UBA1: variants seen among roughly 807,000 people sequenced by gnomAD.
UBA1 encodes ubiquitin-like modifier-activating enzyme 1.
Under a neutral mutation model 84.7 loss-of-function variants are expected in UBA1, and 4 were observed. The ratio of observed to expected loss-of-function variants is 0.05; its 90% CI spans 0.02 to 0.11. The LOEUF is 0.11. Among genes scored for constraint, UBA1 ranks in the 10% least tolerant of loss-of-function variants. The pLI, the probability that UBA1 is intolerant of heterozygous loss-of-function variation, is 1.00. For synonymous variants in UBA1, 364 were observed against 362.6 expected (o/e 1.00, Z -0.04); for missense variants, 513 against 902.8 (o/e 0.57, Z 5.53).
intron 1 of UBA1, among the ~76,000 whole-genome samples, chrX:47,196,289 A>G (rs1556785499): frequency 9.1e-6 from 1 of 110,130 alleles, no homozygotes. Flanking sequence ...TCACGTTCCC[A>G]TGGACTTCTC....
At position 47,215,068 on chromosome X, in the gene UBA1, C is replaced by G. The variant is rs1556794872; in HGVS notation, c.*139C>G. On this transcript the variant is annotated 3_prime_UTR_variant, in exon 26 of 26. Transcript: ENST00000335972. ...TCATCATCCCCCTACCTGAACCCCT[C>G]TTGCCACTGCCTTCTACCTTGTTTG... 1 of 860,119 alleles carries G rather than the reference C, an allele frequency of 1.2e-6. No individual in the cohort carries two copies. Among genetic ancestry groups the G allele is most frequent in the African/African-American group, 2.0e-5 (1 of 50,458 alleles). 70.9% of individuals were successfully genotyped at this position (860,119 alleles called of 1,213,427 possible).
chrX:47,209,162 T>G, intron 16 of UBA1: 1 of 284,318 alleles, frequency 3.5e-6, no homozygotes, highest in East Asian at 6.6e-5. Flanking sequence ...ACTTCATTGA[T>G]TTTTCTTTTT....
chrX:47,202,908 C>T, intron 11 of UBA1, 35 bp from the exon 12 acceptor site: 1 of 1,203,584 alleles, frequency 8.3e-7, no homozygotes, highest in Non-Finnish European at 1.1e-6. Context: ...CCCTGTTAAC[C>T]ACTGACCACC....
chrX:47,204,270 G>A (rs1556789861), intron 14 of UBA1, among the ~76,000 whole-genome samples: 1 of 104,087 alleles, frequency 9.6e-6, no homozygotes, highest in Non-Finnish European at 1.9e-5. Flanking sequence ...TCAGCATATA[G>A]TCGTGCTTGT....
intron 1 of UBA1, chrX:47,198,025 C>T (rs1936266128): frequency 1.1e-6 from 1 of 892,122 alleles, no homozygotes; most frequent in Non-Finnish European, 1.4e-6. Flanking sequence ...AGGGACTCCG[C>T]ATGCAGATGA....
intron 14 of UBA1, 56 bp downstream of exon 14, chrX:47,203,752 T>C (rs1936517896): frequency 2.7e-6 from 3 of 1,109,432 alleles, no homozygotes; most frequent in South Asian, 4.1e-5. Flanking sequence ...TTTTTCTTTT[T>C]TTTTTTTTTT....
intron 1 of UBA1, among the ~76,000 whole-genome samples, chrX:47,194,862 C>G (rs1280022831): frequency 8.9e-6 from 1 of 112,359 alleles, no homozygotes; most frequent in Admixed American, 9.4e-5. Flanking sequence ...GCCTCAGCAT[C>G]TTCCCCATCA....
chrX:47,204,148 T>G (rs1441498628), intron 14 of UBA1, among the ~76,000 whole-genome samples: 1 of 93,589 alleles, frequency 1.1e-5, no homozygotes, highest in African/African-American at 3.9e-5. Flanking sequence ...TGTTTTTTTT[T>G]TTTTTTTTTT....
chrX:47,212,743 G>A, intron 21 of UBA1, 28 bp from the exon 22 acceptor site: 2 of 1,173,084 alleles, frequency 1.7e-6, no homozygotes, highest in Non-Finnish European at 1.2e-6. Flanking sequence ...TCTCCCCACT[G>A]CCTTCACACC....
chrX:47,199,017 C>G, intron 2 of UBA1, 31 bp from the exon 3 acceptor site: 2 of 1,211,083 alleles, frequency 1.7e-6, no homozygotes, highest in Non-Finnish European at 2.2e-6. Flanking sequence ...CTGTGTGTCT[C>G]CCTAAACTTG....
At chrX:47,205,812 C>T (rs1936647491) in intron 14 of UBA1, 136 bp from the exon 15 acceptor site, 1 of 735,589 alleles carries the variant, frequency 1.4e-6, no homozygotes, top group African/African-American at 2.1e-5. Flanking sequence ...CGTGATCATG[C>T]CACTGCATTC....
Position 47,215,115 on chromosome X carries a change from A to T in UBA1, c.*186A>T. 1 of 574,223 alleles carries T rather than the reference A, an allele frequency of 1.7e-6. No individual in the cohort carries two copies. The highest frequency in any genetic ancestry group is 2.8e-5 in the South Asian group (1 of 36,319). The allele number at this position is 574,223 out of a possible 1,213,427, so 47.3% of individuals were successfully genotyped here. A position where few individuals can be genotyped will look rare whatever the true frequency, so the allele number is the denominator to read the frequency against. ...TTTGAAACCTGAATCCTAATAAAGA[A>T]TTAATAACTCCCACATCGCCTGCCC... is the stretch of plus-strand genomic sequence containing the variant. On this transcript the variant is annotated 3_prime_UTR_variant, in exon 26 of 26. Transcript: ENST00000335972.
At chrX:47,214,145 G>A (rs1323251780) in intron 23 of UBA1, among the ~76,000 whole-genome samples, 182 bp from the exon 24 acceptor site, 9 of 110,303 alleles carry the variant, frequency 8.2e-5, no homozygotes, top group African/African-American at 2.3e-4. Context: ...AGGAGGGTAG[G>A]AGATGAGAAG....
At chrX:47,201,048 T>G in intron 6 of UBA1, 48 bp downstream of exon 6, 2 of 1,080,469 alleles carry the variant, frequency 1.9e-6, no homozygotes, top group African/African-American at 1.8e-5. Context: ...CCCCAACTCC[T>G]ACCAAGCCCA....
chrX:47,210,717 C>A, intron 18 of UBA1, 125 bp from the exon 19 acceptor site: 1 of 663,408 alleles, frequency 1.5e-6, no homozygotes, highest in Non-Finnish European at 2.4e-6. Context: ...TGGCTCCAGT[C>A]CGCATCGAGT....
chrX:47,201,099 G>T (rs782250949), intron 6 of UBA1, 99 bp downstream of exon 6: 2 of 881,320 alleles, frequency 2.3e-6, no homozygotes, highest in African/African-American at 4.0e-5. Flanking sequence ...TCCCTTCTCA[G>T]CTACCCAGGT....
At chrX:47,208,291 GTA>G (rs1491046471) in intron 16 of UBA1, among the ~76,000 whole-genome samples, 1 of 108,818 alleles carries the variant, frequency 9.2e-6, no homozygotes, top group African/African-American at 3.4e-5. Context: ...GTGTGTGTGT[GTA>G]AGTGTCTGTG....
chrX:47,208,465 C>CT (rs1556792132), intron 16 of UBA1: 1 of 112,225 alleles, frequency 8.9e-6, no homozygotes, highest in East Asian at 2.8e-4. Flanking sequence ...TGTCCGGCCT[C>CT]TGTCTTGTTT....
Position 47,199,346 on chromosome X carries a change from G to T in UBA1, c.314G>T (p.Gly105Val). 1 of 1,212,095 alleles carries T rather than the reference G, an allele frequency of 8.3e-7. No individual in the cohort carries two copies. Among genetic ancestry groups the T allele is most frequent in the Admixed American group, 2.2e-5 (1 of 46,117 alleles). Residue 105 changes from glycine to valine, a missense_variant, in exon 4 of 26, where the codon GGC becomes GTC. Gly to Val is a moderately radical substitution (Grantham distance 109). Coordinates refer to ENST00000335972, the MANE Select transcript of UBA1 (RefSeq NM_003334.4). The part of the protein sequence containing the change: ...GVKAVTLHDQ[G>V]TAQWADLSSQ... Reference sequence around the variant, plus strand: ...AAGGCTGTTACCCTACATGACCAGGGCACTGCCCAGTGGGCTGATCTTTCC... The same window carrying T: ...AAGGCTGTTACCCTACATGACCAGGTCACTGCCCAGTGGGCTGATCTTTCC...
Sources: gnomAD v4.1 joint callset for allele counts (sites outside exome capture counted in the v4.1 genomes callset) on GRCh38, gnomAD v4.1.1 for gene constraint, MANE v1.5 for transcripts, NCBI Gene and HGNC (gene_info 2026-07-23, HGNC 2026-07-21) for gene names.